The following ARHGAP8 variants were observed in gnomAD, a reference collection of about 807,000 sequenced individuals.
ARHGAP8 encodes the protein rho GTPase-activating protein 8.
In ARHGAP8, 62 loss-of-function variants were observed where a neutral mutation model predicts 46.1. The ratio of observed to expected loss-of-function variants is 1.34; its 90% CI spans 1.10 to 1.66. The LOEUF is 1.66. Among genes scored for constraint, ARHGAP8 ranks in the 40% most tolerant of loss-of-function variants. ARHGAP8 has a pLI of 0.00. For missense variants in ARHGAP8, 923 were observed against 568.4 expected, an observed-to-expected ratio of 1.62 and a Z score of -6.34; for synonymous variants, 375 against 243.1, an observed-to-expected ratio of 1.54 and a Z score of -5.05.
At chr22:44,790,421 A>G (rs1166191585) in intron 2 of ARHGAP8, among the ~76,000 whole-genome samples, 1 of 152,006 alleles carries the variant, frequency 6.6e-6, no homozygotes, top group Non-Finnish European at 1.5e-5. Flanking sequence ...CATGCCTGTA[A>G]TCCCAGTACT....
intron 2 of ARHGAP8, among the ~76,000 whole-genome samples, chr22:44,797,637 A>T (rs1198513396): frequency 6.6e-6 from 1 of 152,226 alleles, no homozygotes; most frequent in African/African-American, 2.4e-5. Context: ...CTAGGATTCC[A>T]AACCTCGGAG....
At chr22:44,856,674 G>C (rs900953480) in intron 10 of ARHGAP8, among the ~76,000 whole-genome samples, 1 of 144,316 alleles carries the variant, frequency 6.9e-6, no homozygotes, top group South Asian at 2.1e-4. Flanking sequence ...AAAACAAGAC[G>C]AAAGGAGAAT....
chr22:44,844,870 C>A (rs927643521), intron 7 of ARHGAP8, among the ~76,000 whole-genome samples: 4 of 152,194 alleles, frequency 2.6e-5, no homozygotes, highest in Admixed American at 1.3e-4. Context: ...TCCAGGGCTT[C>A]TTATTCTGCC....
chr22:44,757,943 C>G (rs1924817291), intron 1 of ARHGAP8, among the ~76,000 whole-genome samples: 1 of 152,090 alleles, frequency 6.6e-6, no homozygotes, highest in African/African-American at 2.4e-5. Flanking sequence ...GCATGACCCA[C>G]CGCCCCCAGG....
chr22:44,858,243 T>A (rs529979200), intron 10 of ARHGAP8, among the ~76,000 whole-genome samples: 1 of 152,290 alleles, frequency 6.6e-6, no homozygotes, highest in African/African-American at 2.4e-5. Context: ...GGAGGGTGAT[T>A]GGTGTGTTGG....
intron 7 of ARHGAP8, among the ~76,000 whole-genome samples, chr22:44,841,391 C>T (rs1025446890): frequency 6.6e-6 from 1 of 152,164 alleles, no homozygotes; most frequent in African/African-American, 2.4e-5. Flanking sequence ...GCTAGTATCC[C>T]GCCCATGTGA....
chr22:44,799,633 C>T (rs1490001808), intron 2 of ARHGAP8, among the ~76,000 whole-genome samples: 2 of 152,164 alleles, frequency 1.3e-5, no homozygotes, highest in African/African-American at 4.8e-5. Flanking sequence ...TCCCTCCCCA[C>T]TGCTGCCTGT....
chr22:44,851,983 G>A (rs567784594), intron 10 of ARHGAP8, among the ~76,000 whole-genome samples: 56 of 152,130 alleles, frequency 3.7e-4, no homozygotes, highest in African/African-American at 1.3e-3. Flanking sequence ...CTGAGGTCAG[G>A]AGTTTGAGAT....
intron 11 of ARHGAP8, among the ~76,000 whole-genome samples, chr22:44,861,979 T>C (rs944408521): frequency 4.6e-5 from 7 of 152,174 alleles, no homozygotes; most frequent in African/African-American, 1.2e-4. Flanking sequence ...ATCCCCAAGA[T>C]TGCATCTCCC....
chr22:44,827,961 A>G (rs1602233778), intron 7 of ARHGAP8, among the ~76,000 whole-genome samples: 1 of 152,200 alleles, frequency 6.6e-6, no homozygotes, highest in South Asian at 2.1e-4. Flanking sequence ...TGCACGGTCC[A>G]GTATGGTAGC....
intron 2 of ARHGAP8, among the ~76,000 whole-genome samples, chr22:44,796,887 G>A (rs964597350): frequency 4.6e-5 from 7 of 152,220 alleles, no homozygotes; most frequent in Non-Finnish European, 7.3e-5. Context: ...TGTCAGATGC[G>A]TGGGTGGCCT....
chr22:44,836,475 A>C (rs897076068), intron 7 of ARHGAP8, among the ~76,000 whole-genome samples: 1 of 151,808 alleles, frequency 6.6e-6, no homozygotes, highest in Non-Finnish European at 1.5e-5. Flanking sequence ...CCTGAGCCTC[A>C]GTTTTGTCCT....
chr22:44,808,378 A>G lies in ARHGAP8; in HGVS notation c.239A>G (p.Asn80Ser), dbSNP rs1348517890. 15 of 1,614,126 alleles carry G rather than the reference A, an allele frequency of 9.3e-6. No individual in the cohort carries two copies. The highest frequency in any genetic ancestry group is 6.7e-5 in the Admixed American group (4 of 60,012). The change falls in exon 4 of 12, where the codon AAC becomes AGC. Residue 80 changes from asparagine (N) to serine (S), a missense_variant. By Grantham distance (46) the Asn-to-Ser change is conservative. Transcript: ENST00000356099. ...YTIVYFHYGL[N>S]SRNKPSLGWL... ...ATCGTCTATTTCCACTACGGGCTGA[A>G]CAGCCGGAACAAGCCTTCCCTGGGC...
At chr22:44,810,701 C>G (rs994864129) in intron 4 of ARHGAP8, among the ~76,000 whole-genome samples, 1 of 152,146 alleles carries the variant, frequency 6.6e-6, no homozygotes, top group Non-Finnish European at 1.5e-5. Flanking sequence ...GTGGCAATCA[C>G]TGGATTTTGC....
At chr22:44,794,468 T>C (rs1279006916) in intron 2 of ARHGAP8, among the ~76,000 whole-genome samples, 2 of 152,052 alleles carry the variant, frequency 1.3e-5, no homozygotes, top group Non-Finnish European at 2.9e-5. Flanking sequence ...CCCAGCACTT[T>C]GGGAGGCCGA....
intron 5 of ARHGAP8, among the ~76,000 whole-genome samples, chr22:44,820,799 G>C (rs1196763823): frequency 2.0e-5 from 3 of 152,142 alleles, no homozygotes; most frequent in African/African-American, 7.2e-5. Context: ...GTCCACTAGG[G>C]GGAGCCAGTG....
At chr22:44,822,579 C>G in intron 6 of ARHGAP8, 110 bp downstream of exon 6, 2 of 997,418 alleles carry the variant, frequency 2.0e-6, no homozygotes, top group Non-Finnish European at 2.8e-6. Flanking sequence ...GTGTGCTTGG[C>G]TAGATTTGGC....
chr22:44,786,211 G>T, intron 1 of ARHGAP8: 2 of 590,484 alleles, frequency 3.4e-6, no homozygotes, highest in Non-Finnish European at 6.0e-6. Flanking sequence ...GTGGGTGCTC[G>T]ACTGATGTAG....
intron 10 of ARHGAP8, among the ~76,000 whole-genome samples, chr22:44,856,053 A>G (rs374976499): frequency 3.3e-4 from 50 of 152,040 alleles, no homozygotes; most frequent in African/African-American, 1.2e-3. Flanking sequence ...AGATCTCTTG[A>G]GAAATCACTC....
Sources: gnomAD v4.1 joint callset for allele counts (sites outside exome capture counted in the v4.1 genomes callset) on GRCh38, gnomAD v4.1.1 for gene constraint, MANE v1.5 for transcripts, NCBI Gene and HGNC (gene_info 2026-07-23, HGNC 2026-07-21) for gene names.